Variants in MSANTD5 observed in about 807,000 individuals in gnomAD.
The protein encoded by MSANTD5 is uncharacterized protein MSANTD5.
upstream of MSANTD5, among the ~76,000 whole-genome samples, chr5:178,698,375 A>G (rs2113855418): frequency 6.6e-6 from 1 of 152,280 alleles, no homozygotes; most frequent in African/African-American, 2.4e-5. Context: ...AGTGCCCAGC[A>G]TGTGAGGGAA....
At chr5:178,691,966 T>C (rs1467143816), downstream of MSANTD5, among the ~76,000 whole-genome samples, 1 of 131,272 alleles carries the variant, frequency 7.6e-6, no homozygotes, top group East Asian at 2.0e-4. Flanking sequence ...TAATGAATAG[T>C]GACAAAACAA....
At chr5:178,702,088 A>T (rs1001927577), upstream of MSANTD5, among the ~76,000 whole-genome samples, 6 of 151,236 alleles carry the variant, frequency 4.0e-5, no homozygotes, top group African/African-American at 1.2e-4. Flanking sequence ...TAACTAAAAA[A>T]AAAAAAAATA....
chr5:178,694,789 C>T (rs1490749995), exon 4 of MSANTD5: 1 of 152,188 alleles, frequency 6.6e-6, no homozygotes, highest in African/African-American at 2.4e-5. Flanking sequence ...GGAACATGAC[C>T]ATTCATGTTC....
At chr5:178,701,544 T>C (rs1024741017), upstream of MSANTD5, among the ~76,000 whole-genome samples, 4 of 151,218 alleles carry the variant, frequency 2.6e-5, no homozygotes, top group Non-Finnish European at 4.4e-5. Context: ...TGGTGGTGCA[T>C]GCAGGTAATC....
the MSANTD5 span, chr5:178,707,256 CAGTTT>C: frequency 2.0e-5 from 3 of 151,946 alleles, no homozygotes; most frequent in South Asian, 2.1e-4. Context: ...TTTAACTGCT[CAGTTT>C]AAACAGTTTA....
intron 1 of MSANTD5, among the ~76,000 whole-genome samples, 195 bp downstream of exon 1, chr5:178,697,391 T>G (rs1298749319): frequency 6.6e-6 from 1 of 151,744 alleles, no homozygotes; most frequent in Non-Finnish European, 1.5e-5. Flanking sequence ...GAGGCGGAGG[T>G]TGCAGTGAGC....
chr5:178,705,694 C>T, the MSANTD5 span, among the ~76,000 whole-genome samples: 34 of 152,160 alleles, frequency 2.2e-4, no homozygotes, highest in African/African-American at 7.5e-4. Flanking sequence ...TGGTGGCTCA[C>T]GTCTGTAATC....
the MSANTD5 span, chr5:178,707,241 AG>A: frequency 6.6e-6 from 1 of 152,162 alleles, no homozygotes; most frequent in African/African-American, 2.4e-5. Flanking sequence ...GAATCACAAA[AG>A]TCCTTTAACT....
upstream of MSANTD5, among the ~76,000 whole-genome samples, chr5:178,698,801 G>A (rs1581734375): frequency 7.1e-6 from 1 of 141,008 alleles, no homozygotes; most frequent in Non-Finnish European, 1.5e-5. Context: ...ACGTTGCTCA[G>A]GCTGGTTGTG....
intron 1 of MSANTD5, among the ~76,000 whole-genome samples, chr5:178,697,385 C>T (rs967504339): frequency 8.6e-5 from 13 of 152,016 alleles, no homozygotes; most frequent in African/African-American, 2.2e-4. Context: ...ACCCGGGAGG[C>T]GGAGGTTGCA....
the MSANTD5 span, among the ~76,000 whole-genome samples, chr5:178,705,108 G>T: frequency 6.6e-6 from 1 of 152,010 alleles, no homozygotes; most frequent in African/African-American, 2.4e-5. Context: ...GAGTGCAGTG[G>T]CACAATCTTG....
At chr5:178,691,582 G>A (rs1169709926), downstream of MSANTD5, among the ~76,000 whole-genome samples, 2 of 136,198 alleles carry the variant, frequency 1.5e-5, no homozygotes, top group Non-Finnish European at 3.3e-5. Flanking sequence ...CTCTGTGAAA[G>A]CCCATAAGAA....
At chr5:178,707,121 A>G in the MSANTD5 span, 2 of 152,170 alleles carry the variant, frequency 1.3e-5, no homozygotes, top group Non-Finnish European at 2.9e-5. Context: ...ACTACTTCCA[A>G]GCCGTTTGCA....
downstream of MSANTD5, among the ~76,000 whole-genome samples, chr5:178,694,162 C>A (rs1185834829): frequency 6.6e-6 from 1 of 151,560 alleles, no homozygotes; most frequent in Non-Finnish European, 1.5e-5. Context: ...ACTAAAAATA[C>A]AAAAATTAGC....
At chr5:178,693,400 G>A (rs867557970), downstream of MSANTD5, among the ~76,000 whole-genome samples, 6 of 151,904 alleles carry the variant, frequency 3.9e-5, no homozygotes, top group Admixed American at 6.6e-5. Context: ...GTACCTTCGC[G>A]GTGAGTGTCA....
chr5:178,694,080 G>A (rs1416844648), downstream of MSANTD5, among the ~76,000 whole-genome samples: 2 of 152,006 alleles, frequency 1.3e-5, no homozygotes, highest in Admixed American at 6.5e-5. Context: ...ACTTTGGGAG[G>A]CCAAGGCGAG....
downstream of MSANTD5, among the ~76,000 whole-genome samples, chr5:178,693,396 T>TCGCAGTGAGTGTCAC (rs1765376482): frequency 6.6e-6 from 1 of 151,862 alleles, no homozygotes; most frequent in African/African-American, 2.4e-5. Context: ...CCATGTACCT[T>TCGCAGTGAGTGTCAC]CGCGGTGAGT....
rs13356061 is a variant in MSANTD5 at position 178,697,404 on chromosome 5, G to A, written c.6+182C>T. Reference sequence around the variant, plus strand: ...GGGAGGCGGAGGTTGCAGTGAGCCGGGATCGCGCCCCTGCACTCCAGCCTG... The same window carrying A: ...GGGAGGCGGAGGTTGCAGTGAGCCGAGATCGCGCCCCTGCACTCCAGCCTG... On this transcript the variant is annotated intron_variant, in intron 1 of 3. Transcript: ENST00000648368. Among the ~76,000 whole-genome samples, 559 of 151,750 alleles carry A rather than the reference G, an allele frequency of 3.7e-3. 2 individuals carry two copies. Among genetic ancestry groups the A allele is most frequent in the African/African-American group, 9.9e-3 (407 of 41,136 alleles).
At chr5:178,703,109 GGGAGAGGCCATGTGCACTCAGAACA>G in the MSANTD5 span, among the ~76,000 whole-genome samples, 6 of 152,246 alleles carry the variant, frequency 3.9e-5, no homozygotes, top group Non-Finnish European at 7.3e-5. Context: ...TCAGCCTTGA[GGGAGAGGCCATGTGCACTCAGAACA>G]GGAGAGGCCA....
Sources: allele counts gnomAD v4.1 joint callset (sites outside exome capture counted in the v4.1 genomes callset), GRCh38; gene constraint gnomAD v4.1.1; transcripts MANE v1.5; gene names NCBI Gene and HGNC (gene_info 2026-07-23, HGNC 2026-07-21).